Variants in SHISA6 observed in about 807,000 individuals in gnomAD.
SHISA6 encodes the protein protein shisa-6.
In SHISA6, 22 loss-of-function variants were observed where a neutral mutation model predicts 47.9. The ratio of observed to expected loss-of-function variants is 0.46; its 90% CI spans 0.33 to 0.66. The LOEUF (loss-of-function observed/expected upper bound fraction) is 0.66, where lower values mean the gene tolerates loss of function less well. Ranked by LOEUF, SHISA6 falls within the 30% of genes least tolerant of loss-of-function variation. The probability of loss-of-function intolerance (pLI) is 0.02; values close to 1 mark genes in which losing one functional copy is unlikely to be tolerated. For missense variants in SHISA6, 680 were observed against 764.6 expected (o/e 0.89, Z 1.30); for synonymous variants, 388 against 337.8 (o/e 1.15, Z -1.63).
chr17:11,407,681 G>A (rs186751768), intron 3 of SHISA6, among the ~76,000 whole-genome samples: 1 of 152,240 alleles, frequency 6.6e-6, no homozygotes, highest in East Asian at 1.9e-4. Flanking sequence ...GTGCTGGAAT[G>A]AGGAGTTCGG....
At chr17:11,335,691 T>C (rs1212190663) in intron 2 of SHISA6, among the ~76,000 whole-genome samples, 1 of 152,112 alleles carries the variant, frequency 6.6e-6, no homozygotes, top group Non-Finnish European at 1.5e-5. Flanking sequence ...CCACGAATTA[T>C]CAGGAGCCCG....
intron 3 of SHISA6, among the ~76,000 whole-genome samples, chr17:11,451,362 C>T (rs1183629840): frequency 1.3e-5 from 2 of 152,182 alleles, no homozygotes; most frequent in African/African-American, 4.8e-5. Flanking sequence ...AAGAAATGTA[C>T]ATTCATTCAT....
chr17:11,312,983 G>A (rs1301869159), intron 2 of SHISA6, among the ~76,000 whole-genome samples: 2 of 152,094 alleles, frequency 1.3e-5, no homozygotes, highest in African/African-American at 2.4e-5. Flanking sequence ...GATTTGATTT[G>A]TACCATTTGC....
intron 2 of SHISA6, among the ~76,000 whole-genome samples, chr17:11,295,275 A>G (rs1318306688): frequency 6.6e-6 from 1 of 152,224 alleles, no homozygotes; most frequent in African/African-American, 2.4e-5. Flanking sequence ...CATAGTCACA[A>G]TTGTACCATC....
chr17:11,286,180 G>C (rs1255539643), intron 2 of SHISA6, among the ~76,000 whole-genome samples: 1 of 152,038 alleles, frequency 6.6e-6, no homozygotes, highest in African/African-American at 2.4e-5. Flanking sequence ...GTTTTTCAGA[G>C]TGGCCTCACC....
At chr17:11,496,028 T>TCCAC (rs2071406090) in intron 3 of SHISA6, among the ~76,000 whole-genome samples, 1 of 151,696 alleles carries the variant, frequency 6.6e-6, no homozygotes, top group Non-Finnish European at 1.5e-5. Flanking sequence ...CATCCATCCA[T>TCCAC]CCATCACACA....
At chr17:11,485,095 G>A (rs1916314212) in intron 3 of SHISA6, among the ~76,000 whole-genome samples, 3 of 152,090 alleles carry the variant, frequency 2.0e-5, no homozygotes, top group Non-Finnish European at 4.4e-5. Flanking sequence ...TTTCCTTGAT[G>A]TTCTTCTAAA....
intron 2 of SHISA6, among the ~76,000 whole-genome samples, chr17:11,309,872 GA>G (rs1224851844): frequency 6.6e-6 from 1 of 152,230 alleles, no homozygotes; most frequent in Non-Finnish European, 1.5e-5. Context: ...TAAGTGTCAA[GA>G]AAAGGGATTT....
At chr17:11,467,893 C>T (rs933121978) in intron 3 of SHISA6, among the ~76,000 whole-genome samples, 1 of 152,166 alleles carries the variant, frequency 6.6e-6, no homozygotes, top group African/African-American at 2.4e-5. Context: ...AGCAAACATC[C>T]TTGTTCTTGT....
chr17:11,269,841 A>G (rs1908574025), intron 2 of SHISA6, among the ~76,000 whole-genome samples: 1 of 152,212 alleles, frequency 6.6e-6, no homozygotes, highest in African/African-American at 2.4e-5. Context: ...ATGTAGGTAT[A>G]AAGCAATCGA....
At chr17:11,348,635 C>G (rs144641269) in intron 2 of SHISA6, among the ~76,000 whole-genome samples, 1 of 152,062 alleles carries the variant, frequency 6.6e-6, no homozygotes, top group African/African-American at 2.4e-5. Flanking sequence ...TATTGGTCCT[C>G]AGCAGTGTCT....
chr17:11,369,053 T>A (rs1912543916), intron 2 of SHISA6, among the ~76,000 whole-genome samples: 1 of 152,216 alleles, frequency 6.6e-6, no homozygotes, highest in Non-Finnish European at 1.5e-5. Context: ...GAATGGTTCA[T>A]CCAGAGCCAC....
chr17:11,388,860 A>T (rs1913296075), intron 3 of SHISA6, among the ~76,000 whole-genome samples: 1 of 139,360 alleles, frequency 7.2e-6, no homozygotes, highest in Non-Finnish European at 1.5e-5. Context: ...AGGTAAAAAA[A>T]AAAAACCTTT....
intron 3 of SHISA6, among the ~76,000 whole-genome samples, chr17:11,407,550 C>T (rs1914001285): frequency 6.6e-6 from 1 of 151,876 alleles, no homozygotes; most frequent in African/African-American, 2.4e-5. Flanking sequence ...ATACCCATCT[C>T]TTAGAAAATA....
chr17:11,490,603 G>A (rs556180103), intron 3 of SHISA6, among the ~76,000 whole-genome samples: 22 of 152,154 alleles, frequency 1.4e-4, no homozygotes, highest in African/African-American at 2.9e-4. Flanking sequence ...GCGCTACTAC[G>A]TTCTGGAGAA....
intron 3 of SHISA6, among the ~76,000 whole-genome samples, chr17:11,468,423 C>T (rs951496270): frequency 1.3e-5 from 2 of 151,978 alleles, no homozygotes; most frequent in Admixed American, 1.3e-4. Flanking sequence ...AGCCTGCATT[C>T]TAGGGCTCCT....
chr17:11,280,498 G>A (rs1437101862), intron 2 of SHISA6, among the ~76,000 whole-genome samples: 1 of 152,226 alleles, frequency 6.6e-6, no homozygotes, highest in Non-Finnish European at 1.5e-5. Flanking sequence ...GTACAGATGA[G>A]AATTGTATAT....
chr17:11,423,325 A>ATC (rs1914509966), intron 3 of SHISA6, among the ~76,000 whole-genome samples: 4 of 57,738 alleles, frequency 6.9e-5, no homozygotes, highest in African/African-American at 2.3e-4. Flanking sequence ...TGTAACATAT[A>ATC]TATAGATAGA....
chr17:11,298,504 C>G (rs1297589181), intron 2 of SHISA6, among the ~76,000 whole-genome samples: 1 of 152,208 alleles, frequency 6.6e-6, no homozygotes, highest in Admixed American at 6.5e-5. Flanking sequence ...GCCTGTTGGA[C>G]ATGCAGATAT....
Sources: allele counts gnomAD v4.1 joint callset (sites outside exome capture counted in the v4.1 genomes callset), GRCh38; gene constraint gnomAD v4.1.1; transcripts MANE v1.5; gene names NCBI Gene and HGNC (gene_info 2026-07-23, HGNC 2026-07-21).